PHF8: variants seen among roughly 807,000 people sequenced by gnomAD.
PHF8 encodes the protein histone lysine demethylase PHF8.
PHF8 carries 9 observed loss-of-function variants against 74.4 expected under a neutral mutation model. That is an observed-to-expected ratio of 0.12 (90% CI 0.07 to 0.21). PHF8 has a LOEUF of 0.21. Among genes scored for constraint, PHF8 ranks in the 10% least tolerant of loss-of-function variants. PHF8 has a pLI of 1.00. For missense variants in PHF8, 478 were observed against 816.6 expected, an observed-to-expected ratio of 0.59 and a Z score of 5.05; for synonymous variants, 311 against 316.6, an observed-to-expected ratio of 0.98 and a Z score of 0.19.
chrX:54,002,130 G>A (rs1557104357), intron 10 of PHF8, 25 bp downstream of exon 10: 1 of 925,083 alleles, frequency 1.1e-6, no homozygotes, highest in South Asian at 2.0e-5. Context: ...GGGGCAAAAA[G>A]GACAGTTGGC....
chrX:54,027,586 T>C lies in PHF8; in HGVS notation c.99-4743A>G, dbSNP rs187263726. Among the ~76,000 whole-genome samples, 137 of 111,614 alleles carry C rather than the reference T, an allele frequency of 1.2e-3. 1 individual carries two copies. The highest frequency in any genetic ancestry group is 1.3e-3 in the Non-Finnish European group (69 of 53,173). ...TCTCACTGGTTTCCTGACCTCCTTG[T>C]TGATATATGCAATAAGTACTTCTCT... On this transcript the variant is annotated intron_variant, in intron 2 of 21. Coordinates refer to ENST00000338154, the MANE Select transcript of PHF8 (RefSeq NM_015107.3).
intron 2 of PHF8, chrX:54,040,200 A>C (rs1557115486): frequency 8.9e-6 from 1 of 112,255 alleles, no homozygotes; most frequent in Non-Finnish European, 1.9e-5. Flanking sequence ...AGCAGTCAGG[A>C]AGCATTCATT....
intron 18 of PHF8, among the ~76,000 whole-genome samples, chrX:53,965,516 G>A (rs979964355): frequency 8.0e-5 from 9 of 112,557 alleles, no homozygotes; most frequent in African/African-American, 2.9e-4. Flanking sequence ...GCACATGCCT[G>A]TAATCCTAGC....
chrX:53,967,345 G>A (rs1411966451), intron 18 of PHF8, among the ~76,000 whole-genome samples: 93 of 101,954 alleles, frequency 9.1e-4, no homozygotes, highest in African/African-American at 1.2e-3. Context: ...CCGGCCAGCC[G>A]CCCCGTCCGG....
chrX:54,009,492 A>G (rs1468669801), intron 8 of PHF8, among the ~76,000 whole-genome samples: 2 of 110,175 alleles, frequency 1.8e-5, no homozygotes. Flanking sequence ...AGGAAAAATA[A>G]AGATAAAAGC....
rs782637697 is a variant in PHF8, at chrX:54,042,062, G to A, written c.98+569C>T. 1.3e-3 allele frequency among the ~76,000 whole-genome samples: 148 copies of A among 111,708 alleles called. 1 individual carries two copies. The highest frequency in any genetic ancestry group is 4.7e-3 in the African/African-American group (144 of 30,739). On this transcript the variant is annotated intron_variant, in intron 2 of 21. Coordinates refer to ENST00000338154, the MANE Select transcript of PHF8 (RefSeq NM_015107.3). ...TCACGCCTGTAATCCCAGCACTTTG[G>A]GAGGCCGAGGCAGGCAGATCTCCAG...
In PHF8 at chrX:54,044,132, G is replaced by A. The variant is rs2066609789; in HGVS notation, c.-463C>T. On this transcript the variant is annotated 5_prime_UTR_variant, in exon 1 of 22. Coordinates refer to ENST00000338154, the MANE Select transcript of PHF8 (RefSeq NM_015107.3). ...AACATTCCCCTCGGCCCGGCCGTTC[G>A]GGCCTACTGGAGACCGCGGCTTGGG... The A allele has an allele frequency of 5.3e-6, 4 of 754,092 alleles. No homozygotes were observed. The South Asian group carries it at 2.0e-4, about 38-fold the overall frequency. The allele number at this position is 754,092 out of a possible 1,213,427, so 62.1% of individuals were successfully genotyped here.
intron 4 of PHF8, among the ~76,000 whole-genome samples, chrX:54,021,136 A>G (rs1357884964): frequency 8.9e-6 from 1 of 112,400 alleles, no homozygotes; most frequent in Non-Finnish European, 1.9e-5. Flanking sequence ...TGTCCTTTTC[A>G]GTAACATGGA....
At chrX:53,963,105 T>C (rs1557091395) in intron 18 of PHF8, among the ~76,000 whole-genome samples, 166 bp from the exon 19 acceptor site, 2 of 112,365 alleles carry the variant, frequency 1.8e-5, no homozygotes, top group Admixed American at 9.5e-5. Flanking sequence ...CATGCCCTTC[T>C]ACTTTGCATC....
chrX:54,006,692 T>C (rs1457654414), intron 8 of PHF8, among the ~76,000 whole-genome samples: 1 of 111,251 alleles, frequency 9.0e-6, no homozygotes, highest in African/African-American at 3.3e-5. Flanking sequence ...TCCCAGCACT[T>C]TGGGAGGCCA....
At chrX:54,028,806 T>C (rs141439403) in intron 2 of PHF8, among the ~76,000 whole-genome samples, 360 of 111,907 alleles carry the variant, frequency 3.2e-3, no homozygotes, top group Non-Finnish European at 4.9e-3. Context: ...CCCTCCACTA[T>C]ACCCTGAAGT....
At chrX:54,037,084 A>G (rs2146509273) in intron 2 of PHF8, among the ~76,000 whole-genome samples, 1 of 110,869 alleles carries the variant, frequency 9.0e-6, no homozygotes, top group East Asian at 2.8e-4. Context: ...AGCAAAATAA[A>G]CCAAAGGAGG....
intron 2 of PHF8, among the ~76,000 whole-genome samples, chrX:54,031,522 G>GGA (rs1197289933): frequency 7.4e-5 from 8 of 107,602 alleles, no homozygotes; most frequent in Non-Finnish European, 1.3e-4. Flanking sequence ...ACTGAATTCT[G>GGA]GATGCACCAA....
At chrX:53,943,221 AAAG>A in intron 20 of PHF8, 1 of 951,997 alleles carries the variant, frequency 1.1e-6, no homozygotes, top group Non-Finnish European at 1.4e-6. Flanking sequence ...AGTTCTGGTC[AAAG>A]AAGATTGCCA....
At chrX:53,944,098 A>G (rs1557084374) in intron 20 of PHF8, 36 bp downstream of exon 20, 1 of 875,305 alleles carries the variant, frequency 1.1e-6, no homozygotes, top group Admixed American at 2.2e-5. Flanking sequence ...TCAAACTGCT[A>G]TTAGTTGCAG....
rs367781332 is a variant in PHF8, at chrX:53,999,985, G to A, written c.1142-24C>T. ...ACCTAAAGGAGGAAAGAGGAAAGCA[G>A]AGTGTCAACAAAGCCATGCAGGAAA... On this transcript the variant is annotated intron_variant, in intron 10 of 21. Transcript: ENST00000338154. The A allele has an allele frequency of 6.2e-4, 621 of 1,001,958 alleles. 4 individuals are homozygous for A. The highest frequency in any genetic ancestry group is 4.9e-4 in the East Asian group (16 of 32,888). The allele number at this position is 1,001,958 out of a possible 1,213,427, so 82.6% of individuals were successfully genotyped here.
Position 53,998,748 on chromosome X carries a change from T to C in PHF8, c.1233+1122A>G, listed in dbSNP as rs782811366. 1.4e-4 allele frequency among the ~76,000 whole-genome samples: 16 copies of C among 111,871 alleles called. No homozygotes were observed. In the East Asian group the frequency reaches 4.2e-3, roughly 29 times the overall value. On this transcript the variant is annotated intron_variant, in intron 11 of 21. Coordinates refer to ENST00000338154, the MANE Select transcript of PHF8 (RefSeq NM_015107.3). ...CCAAATCAGTACATACAGAGCTTTCTTATTTTTTTTTATAGTTGATTAATG... is the reference window on the plus strand; with the variant it reads ...CCAAATCAGTACATACAGAGCTTTCCTATTTTTTTTTATAGTTGATTAATG...
intron 2 of PHF8, among the ~76,000 whole-genome samples, chrX:54,031,558 T>A (rs1267734413): frequency 9.4e-6 from 1 of 106,805 alleles, no homozygotes; most frequent in African/African-American, 3.4e-5. Context: ...TGCACTGACA[T>A]GCACACAGAC....
chrX:54,043,788 C>T lies in PHF8; in HGVS notation c.-119G>A. 1.3e-6 allele frequency: 1 copy of T among 749,509 alleles called. No homozygotes were observed. The highest frequency in any genetic ancestry group is 1.6e-6 in the Non-Finnish European group (1 of 634,775). 61.8% of individuals were successfully genotyped at this position (749,509 alleles called of 1,213,427 possible). A position where few individuals can be genotyped will look rare whatever the true frequency, so the allele number is the denominator to read the frequency against. On this transcript the variant is annotated 5_prime_UTR_variant, in exon 1 of 22. Transcript: ENST00000338154. ...GGAATCTTAACGCTTCCCCAACTGA[C>T]AGGAACCTCCTCACGCCCCAAACCT...
Sources: gnomAD v4.1 joint callset for allele counts (sites outside exome capture counted in the v4.1 genomes callset) on GRCh38, gnomAD v4.1.1 for gene constraint, MANE v1.5 for transcripts, NCBI Gene and HGNC (gene_info 2026-07-23, HGNC 2026-07-21) for gene names.